The following ATP10B variants were observed in gnomAD, a reference collection of about 807,000 sequenced individuals.
ATP10B encodes the protein ATPase phospholipid transporting 10B (putative).
In ATP10B, 122 loss-of-function variants were observed where a neutral mutation model predicts 141.2. The ratio of observed to expected loss-of-function variants is 0.86; its 90% CI spans 0.75 to 1.00. The LOEUF (loss-of-function observed/expected upper bound fraction) is 1.00. ATP10B is among the 50% of genes least tolerant of loss of function. The pLI is 0.00. For synonymous variants in ATP10B, 685 were observed against 692.0 expected (o/e 0.99, Z 0.16); for missense variants, 1,876 against 1,825.3 (o/e 1.03, Z -0.51).
chr5:160,799,143 T>A (rs1561866267), intron 1 of ATP10B, among the ~76,000 whole-genome samples: 1 of 152,126 alleles, frequency 6.6e-6, no homozygotes, highest in Non-Finnish European at 1.5e-5. Flanking sequence ...GGTTTGTGTT[T>A]TAAAAATGTG....
At chr5:160,676,910 C>T (rs1002553942) in intron 6 of ATP10B, among the ~76,000 whole-genome samples, 7 of 152,136 alleles carry the variant, frequency 4.6e-5, no homozygotes, top group African/African-American at 1.7e-4. Context: ...TAAGGTCACA[C>T]AGGTGTGTCT....
At chr5:160,569,808 A>T in intron 24 of ATP10B, 125 bp from the exon 25 acceptor site, 3 of 753,254 alleles carry the variant, frequency 4.0e-6, no homozygotes, top group Non-Finnish European at 2.0e-6. Flanking sequence ...AAATTCAAAA[A>T]AGTGTGCAGC....
At chr5:160,813,464 G>A (rs1773324853) in intron 1 of ATP10B, among the ~76,000 whole-genome samples, 2 of 152,196 alleles carry the variant, frequency 1.3e-5, no homozygotes, top group South Asian at 4.1e-4. Context: ...TGAGGCTTGA[G>A]TAGGTAAACA....
intron 10 of ATP10B, among the ~76,000 whole-genome samples, chr5:160,638,031 G>A (rs1041109915): frequency 5.3e-5 from 8 of 152,330 alleles, no homozygotes; most frequent in Admixed American, 1.3e-4. Flanking sequence ...GCCCCAGCAC[G>A]TGTTGGATGG....
the ATP10B span, among the ~76,000 whole-genome samples, chr5:160,874,719 C>G: frequency 3.2e-4 from 49 of 152,000 alleles, no homozygotes; most frequent in African/African-American, 4.8e-4. Flanking sequence ...ACCAAGGCTC[C>G]AGAACTACGT....
chr5:160,707,942 GC>G (rs1765114234), intron 3 of ATP10B, among the ~76,000 whole-genome samples: 1 of 152,182 alleles, frequency 6.6e-6, no homozygotes, highest in African/African-American at 2.4e-5. Context: ...CGGCTGGAAT[GC>G]CTGATGGGGG....
chr5:160,780,878 A>G (rs116302562), intron 2 of ATP10B, among the ~76,000 whole-genome samples: 1 of 152,198 alleles, frequency 6.6e-6, no homozygotes, highest in Non-Finnish European at 1.5e-5. Flanking sequence ...GCATAAAAGT[A>G]ATAGCATGTT....
At chr5:160,791,716 C>T (rs1362015695) in intron 1 of ATP10B, among the ~76,000 whole-genome samples, 2 of 152,152 alleles carry the variant, frequency 1.3e-5, no homozygotes, top group Non-Finnish European at 2.9e-5. Context: ...GTTTATGATA[C>T]TTGCACTTCT....
At chr5:160,633,184 A>C (rs943571239) in intron 12 of ATP10B, 3 of 152,240 alleles carry the variant, frequency 2.0e-5, no homozygotes, top group African/African-American at 7.2e-5. Context: ...AACCAGAAAT[A>C]CCATTTGACC....
In ATP10B at chr5:160,634,584, T is replaced by C; in HGVS notation, c.1151A>G (p.Tyr384Cys). The change falls in exon 12 of 26, where the codon TAT becomes TGT. Residue 384 changes from tyrosine to cysteine, a missense_variant. Transcript: ENST00000327245. ...GAGCTTCACCAGCTCAATGGAGACA[T>C]ACAAAGAGATGGGGATCAGCACCTG... ...LLQVLIPISL[Y>C]VSIELVKLGQ... The C allele has an allele frequency of 6.2e-7, 1 of 1,611,964 alleles. No homozygotes were observed. The highest frequency in any genetic ancestry group is 8.5e-7 in the Non-Finnish European group (1 of 1,178,744).
At chr5:160,662,700 A>T (rs1256818147) in intron 7 of ATP10B, among the ~76,000 whole-genome samples, 1 of 152,250 alleles carries the variant, frequency 6.6e-6, no homozygotes, top group Non-Finnish European at 1.5e-5. Flanking sequence ...ACCCTAGAAG[A>T]AAACCTAGGC....
intron 1 of ATP10B, among the ~76,000 whole-genome samples, chr5:160,815,200 TAA>T (rs1251144357): frequency 6.6e-6 from 1 of 152,034 alleles, no homozygotes; most frequent in African/African-American, 2.4e-5. Context: ...GCAAATTGGA[TAA>T]AGAGTCAAGA....
At chr5:160,728,244 T>C (rs1304917343) in intron 2 of ATP10B, among the ~76,000 whole-genome samples, 1 of 152,120 alleles carries the variant, frequency 6.6e-6, no homozygotes, top group Non-Finnish European at 1.5e-5. Flanking sequence ...TTTAAGGAAA[T>C]GTGTAAATAC....
intron 20 of ATP10B, 38 bp downstream of exon 20, chr5:160,603,927 A>T: frequency 1.3e-6 from 2 of 1,566,268 alleles, no homozygotes; most frequent in East Asian, 2.2e-5. Flanking sequence ...ATCTCAACTA[A>T]GGACCAAAGA....
intron 1 of ATP10B, among the ~76,000 whole-genome samples, chr5:160,800,741 T>A (rs571889688): frequency 1.3e-5 from 2 of 152,344 alleles, no homozygotes; most frequent in South Asian, 4.1e-4. Flanking sequence ...CCATTCCCCT[T>A]TGCTTCTCAG....
intron 1 of ATP10B, among the ~76,000 whole-genome samples, chr5:160,812,490 A>G (rs1773247042): frequency 6.6e-6 from 1 of 152,230 alleles, no homozygotes; most frequent in South Asian, 2.1e-4. Context: ...AGGAAACTCC[A>G]AGAAATCAGG....
At chr5:160,661,013 C>A (rs1256761457) in intron 7 of ATP10B, among the ~76,000 whole-genome samples, 2 of 152,058 alleles carry the variant, frequency 1.3e-5, no homozygotes, top group East Asian at 3.9e-4. Context: ...ATGGAGAAAC[C>A]CCATCTCTAC....
chr5:160,649,904 G>A (rs1760583106), intron 7 of ATP10B, among the ~76,000 whole-genome samples: 1 of 151,536 alleles, frequency 6.6e-6, no homozygotes, highest in Non-Finnish European at 1.5e-5. Flanking sequence ...GATCACCTGA[G>A]GTCAGGAGAT....
At chr5:160,758,221 T>C (rs1768775039) in intron 2 of ATP10B, among the ~76,000 whole-genome samples, 1 of 152,130 alleles carries the variant, frequency 6.6e-6, no homozygotes, top group African/African-American at 2.4e-5. Flanking sequence ...AAACACTGGG[T>C]AGATAGCTGA....
Sources: allele counts gnomAD v4.1 joint callset (sites outside exome capture counted in the v4.1 genomes callset), GRCh38; gene constraint gnomAD v4.1.1; transcripts MANE v1.5; gene names NCBI Gene and HGNC (gene_info 2026-07-23, HGNC 2026-07-21).